LATS2: variants seen among roughly 807,000 people sequenced by gnomAD.
The protein encoded by LATS2 is serine/threonine-protein kinase LATS2.
In LATS2, 24 loss-of-function variants were observed where a neutral mutation model predicts 76.0. That is an observed-to-expected ratio of 0.32 (90% confidence interval 0.23 to 0.44). The LOEUF is 0.44. Among genes scored for constraint, LATS2 ranks in the 20% least tolerant of loss-of-function variants. The probability of loss-of-function intolerance (pLI) is 1.00; values close to 1 mark genes in which losing one functional copy is unlikely to be tolerated. For missense variants in LATS2, 1,286 were observed against 1,481.2 expected (o/e 0.87, Z 2.16); for synonymous variants, 692 against 635.4 (o/e 1.09, Z -1.34).
intron 2 of LATS2, among the ~76,000 whole-genome samples, chr13:21,024,093 C>CAAAAAAAAAAAAA (rs748881098): frequency 5.0e-5 from 4 of 79,246 alleles, no homozygotes; most frequent in Non-Finnish European, 8.0e-5. Context: ...TCTCGCTGTG[C>CAAAAAAAAAAAAA]AAAAAAAAAA....
chr13:20,984,588 T>C (rs1203196569), intron 4 of LATS2, among the ~76,000 whole-genome samples: 1 of 151,942 alleles, frequency 6.6e-6, no homozygotes, highest in Non-Finnish European at 1.5e-5. Flanking sequence ...TTACAACAGC[T>C]ATAAAAAAAA....
chr13:21,026,710 C>G (rs1257278488), intron 2 of LATS2, among the ~76,000 whole-genome samples: 1 of 152,170 alleles, frequency 6.6e-6, no homozygotes, highest in African/African-American at 2.4e-5. Flanking sequence ...AATCCCAGCA[C>G]TTTGGAAGAC....
chr13:21,040,854 G>A (rs1381026951), intron 2 of LATS2, among the ~76,000 whole-genome samples: 1 of 152,140 alleles, frequency 6.6e-6, no homozygotes, highest in Non-Finnish European at 1.5e-5. Context: ...ACCCCTATGA[G>A]GATGGAAATG....
At chr13:20,983,955 G>A (rs1448956019) in intron 4 of LATS2, 149 bp from the exon 5 acceptor site, 1 of 651,956 alleles carries the variant, frequency 1.5e-6, no homozygotes, top group Non-Finnish European at 2.6e-6. Flanking sequence ...ATATACTACA[G>A]AGTCTCGCTC....
At chr13:20,996,560 T>C (rs1870762461) in intron 2 of LATS2, among the ~76,000 whole-genome samples, 1 of 152,122 alleles carries the variant, frequency 6.6e-6, no homozygotes, top group Admixed American at 6.5e-5. Context: ...TTTGTATTTT[T>C]AGTAGAGGTG....
chr13:21,052,734 A>G (rs7330095), intron 1 of LATS2, among the ~76,000 whole-genome samples: 17,225 of 152,188 alleles, frequency 0.11, 1,167 homozygotes, highest in African/African-American at 0.19. Context: ...AGACAGAAAA[A>G]CACAGAGAAG....
At chr13:20,999,266 G>C (rs1287895972) in intron 2 of LATS2, among the ~76,000 whole-genome samples, 1 of 152,248 alleles carries the variant, frequency 6.6e-6, no homozygotes, top group East Asian at 1.9e-4. Flanking sequence ...CGCTGGTGGC[G>C]CCGCAGGCCC....
intron 2 of LATS2, among the ~76,000 whole-genome samples, chr13:21,006,895 G>A (rs1595229340): frequency 6.6e-6 from 1 of 152,342 alleles, no homozygotes; most frequent in East Asian, 1.9e-4. Flanking sequence ...CAGGGAAAGG[G>A]ACATTTGGAT....
At position 20,989,323 on chromosome 13, in the gene LATS2, G is replaced by A. The variant is rs201689644; in HGVS notation, c.476-19C>T. ...CCCTTTCCTGCAGTGGAAAAAACAG[G>A]AAGACAGCATCAGAGTGGGTGTGAT... On this transcript the variant is annotated intron_variant, in intron 3 of 7. Transcript: ENST00000382592. The A allele has an allele frequency of 1.2e-6, 2 of 1,613,126 alleles. No individual in the cohort carries two copies. The highest frequency in any genetic ancestry group is 1.3e-5 in the African/African-American group (1 of 75,054).
intron 2 of LATS2, among the ~76,000 whole-genome samples, chr13:20,999,214 G>A (rs1040608561): frequency 3.3e-5 from 5 of 152,248 alleles, no homozygotes; most frequent in African/African-American, 1.2e-4. Context: ...ACCTTGCGCG[G>A]ATGCAGCAGA....
At chr13:21,056,013 C>T (rs1873436432) in intron 1 of LATS2, among the ~76,000 whole-genome samples, 1 of 152,230 alleles carries the variant, frequency 6.6e-6, no homozygotes, top group Admixed American at 6.5e-5. Context: ...GGAAAACACA[C>T]TTTAGAAGAA....
chr13:21,023,350 G>A (rs1252530004), intron 2 of LATS2, among the ~76,000 whole-genome samples: 1 of 151,280 alleles, frequency 6.6e-6, no homozygotes, highest in Non-Finnish European at 1.5e-5. Flanking sequence ...ACAGGCGCTC[G>A]CCCCCTCTCC....
chr13:21,026,304 T>C (rs1216635014), intron 2 of LATS2, among the ~76,000 whole-genome samples: 1 of 129,594 alleles, frequency 7.7e-6, no homozygotes, highest in African/African-American at 2.8e-5. Flanking sequence ...TAACTAATTA[T>C]CCACTTTTTG....
intron 3 of LATS2, among the ~76,000 whole-genome samples, chr13:20,990,991 C>A (rs1247115341): frequency 6.6e-6 from 1 of 152,252 alleles, no homozygotes; most frequent in Non-Finnish European, 1.5e-5. Context: ...ATAAAACAAG[C>A]ACACACCTTC....
At chr13:21,045,514 C>G (rs533553782) in intron 2 of LATS2, among the ~76,000 whole-genome samples, 171 bp downstream of exon 2, 3 of 152,182 alleles carry the variant, frequency 2.0e-5, no homozygotes, top group Admixed American at 6.5e-5. Flanking sequence ...GGTAGAGAAC[C>G]TTCAATTGTG....
chr13:21,051,203 T>G (rs918567059), intron 1 of LATS2, among the ~76,000 whole-genome samples: 4 of 152,198 alleles, frequency 2.6e-5, no homozygotes, highest in Non-Finnish European at 5.9e-5. Context: ...ACAAGCCCTC[T>G]TATATGTAGG....
chr13:21,056,314 C>T (rs1376398894), intron 1 of LATS2, among the ~76,000 whole-genome samples: 9 of 152,128 alleles, frequency 5.9e-5, no homozygotes, highest in Admixed American at 3.3e-4. Context: ...GCTGGAATTA[C>T]GGGCATGAGC....
chr13:21,007,710 ATATATATATATAGTATATATATATAG>A (rs1400653615), intron 2 of LATS2, among the ~76,000 whole-genome samples: 6 of 15,512 alleles, frequency 3.9e-4, no homozygotes, highest in African/African-American at 2.4e-3. Flanking sequence ...GTATGTATAT[ATATATATATATAGTATATATATATAG>A]TATATATATA....
chr13:20,975,146 C>G lies in LATS2; in HGVS notation c.2991G>C (p.Met997Ile). ...CTACGGGGTCGAAATTCGAGGTGTCCATGGGGTGGCTGATGGTGGGAACGT... is the reference window on the plus strand; with the variant it reads ...CTACGGGGTCGAAATTCGAGGTGTCGATGGGGTGGCTGATGGTGGGAACGT... Reference protein sequence around the residue: ...APYVPTISHPMDTSNFDPVDE... With the variant: ...APYVPTISHPIDTSNFDPVDE... The change falls in exon 8 of 8, where the codon ATG becomes ATC. Residue 997 changes from methionine (M) to isoleucine (I), a missense_variant. Physicochemically the swap from Met to Ile is conservative, Grantham distance 10. This residue lies in a region of LATS2 where 210 missense variants were observed against 234.9 expected (regional missense o/e 0.89). Transcript: ENST00000382592. 1 of 1,614,168 alleles carries G rather than the reference C, an allele frequency of 6.2e-7. No individual in the cohort carries two copies. Among genetic ancestry groups the G allele is most frequent in the South Asian group, 1.1e-5 (1 of 91,086 alleles).
Sources: gnomAD v4.1 joint callset for allele counts (sites outside exome capture counted in the v4.1 genomes callset) on GRCh38, gnomAD v4.1.1 for gene constraint, gnomAD v4.1.1 regional missense constraint, MANE v1.5 for transcripts, NCBI Gene and HGNC (gene_info 2026-07-23, HGNC 2026-07-21) for gene names.